Variants in RUFY2 observed in about 807,000 individuals in gnomAD.
RUFY2 encodes the protein RUN and FYVE domain containing 2, also known as RUN and FYVE domain-containing protein 2.
RUFY2 carries 49 observed loss-of-function variants against 94.4 expected under a neutral mutation model. The ratio of observed to expected loss-of-function variants is 0.52; its 90% CI spans 0.41 to 0.66. The LOEUF is 0.66. RUFY2 is among the 30% of genes least tolerant of loss of function. The pLI is 0.00. For missense variants in RUFY2, 541 were observed against 692.8 expected, an observed-to-expected ratio of 0.78 and a Z score of 2.46; for synonymous variants, 255 against 235.7, an observed-to-expected ratio of 1.08 and a Z score of -0.75.
intron 8 of RUFY2, among the ~76,000 whole-genome samples, chr10:68,385,830 G>C (rs1008196008): frequency 6.6e-6 from 1 of 152,120 alleles, no homozygotes; most frequent in Non-Finnish European, 1.5e-5. Context: ...ATTTTTAGAA[G>C]CTGAGTATCT....
intron 3 of RUFY2, among the ~76,000 whole-genome samples, chr10:68,397,946 G>C (rs1189444367): frequency 1.3e-5 from 2 of 151,616 alleles, no homozygotes; most frequent in Admixed American, 6.6e-5. Context: ...AGCCAACATG[G>C]TGAAACCCCG....
At chr10:68,363,356 T>C (rs555845276) in intron 15 of RUFY2, among the ~76,000 whole-genome samples, 5 of 152,160 alleles carry the variant, frequency 3.3e-5, no homozygotes, top group Admixed American at 2.6e-4. Context: ...TTTGCATTTT[T>C]AGTAAAGACA....
chr10:68,389,807 G>A (rs1407759524), intron 7 of RUFY2, among the ~76,000 whole-genome samples: 1 of 151,880 alleles, frequency 6.6e-6, no homozygotes, highest in Non-Finnish European at 1.5e-5. Context: ...AAAAAAAAGT[G>A]AAAATAGTAA....
At chr10:68,370,054 C>T (rs923711348) in intron 13 of RUFY2, among the ~76,000 whole-genome samples, 3 of 152,122 alleles carry the variant, frequency 2.0e-5, no homozygotes, top group African/African-American at 7.2e-5. Context: ...GAGGCCAAGG[C>T]AGGTGGGTCA....
chr10:68,363,797 C>T (rs1390320649), intron 14 of RUFY2, 113 bp from the exon 15 acceptor site: 5 of 850,712 alleles, frequency 5.9e-6, no homozygotes, highest in Non-Finnish European at 7.0e-6. Context: ...TTAAAAGAAA[C>T]AAATTGTGTC....
intron 15 of RUFY2, among the ~76,000 whole-genome samples, chr10:68,363,062 G>C (rs2047563468): frequency 1.3e-5 from 2 of 152,180 alleles, no homozygotes; most frequent in African/African-American, 4.8e-5. Context: ...TTGAACAAGA[G>C]TGTTAGCTTT....
rs948434874 is a variant in RUFY2, at chr10:68,343,419, TTGTA to T, written c.*2345_*2348del. ...ATACACCACCTGTCTTTTTTGAAAGTTGTATGTGTTTTATTTTCCCAGGATTACT... is the reference window on the plus strand; with the variant it reads ...ATACACCACCTGTCTTTTTTGAAAGTTGTGTTTTATTTTCCCAGGATTACT... On this transcript the variant is annotated 3_prime_UTR_variant, in exon 18 of 18. Transcript: ENST00000602465. 1.3e-5 allele frequency: 2 copies of T among 152,612 alleles called. No individual in the cohort carries two copies. Among genetic ancestry groups the T allele is most frequent in the Admixed American group, 1.3e-4 (2 of 15,278 alleles). The allele number at this position is 152,612 out of a possible 1,614,324, so 9.5% of individuals were successfully genotyped here. A position where few individuals can be genotyped will look rare whatever the true frequency, so the allele number is the denominator to read the frequency against.
Position 68,363,667 on chromosome 10 carries a change from C to A in RUFY2, c.1473G>T (p.Gln491His). 6.2e-7 allele frequency: 1 copy of A among 1,602,236 alleles called. No homozygotes were observed. The highest frequency in any genetic ancestry group is 1.1e-5 in the South Asian group (1 of 88,942). Residue 491 changes from glutamine (Q) to histidine (H), a missense_variant, in exon 15 of 18, where the codon CAG (glutamine) becomes CAT (histidine). Gln to His is a conservative substitution (Grantham distance 24). Transcript: ENST00000602465. ...TTTTTTTCAACTGCTGATTTTCATC[C>A]TGGAGGTTAAGGAACTCCTTCAGAA... ...ISLKKEFLNL[Q>H]DENQQLKKIY...
intron 4 of RUFY2, among the ~76,000 whole-genome samples, chr10:68,396,271 T>A (rs2050388925): frequency 6.6e-6 from 1 of 152,082 alleles, no homozygotes; most frequent in Non-Finnish European, 1.5e-5. Flanking sequence ...ATTACAGGCG[T>A]GAGCCACCAC....
intron 12 of RUFY2, chr10:68,378,201 G>A (rs2048795693): frequency 3.0e-6 from 3 of 993,576 alleles, no homozygotes; most frequent in Non-Finnish European, 1.2e-6. Context: ...GTGGGCCAAT[G>A]AGAAAAAAAT....
At chr10:68,358,353 C>T (rs1285327144) in intron 15 of RUFY2, among the ~76,000 whole-genome samples, 2 of 152,156 alleles carry the variant, frequency 1.3e-5, no homozygotes, top group African/African-American at 4.8e-5. Context: ...CTATAAAATG[C>T]TCTTCATTCC....
chr10:68,352,316 A>C (rs1451073765), intron 16 of RUFY2, among the ~76,000 whole-genome samples: 1 of 152,104 alleles, frequency 6.6e-6, no homozygotes, highest in African/African-American at 2.4e-5. Flanking sequence ...TCAGGAAGCT[A>C]CTGAAAGATG....
chr10:68,353,243 A>C (rs1438760381), intron 16 of RUFY2, among the ~76,000 whole-genome samples: 1 of 151,448 alleles, frequency 6.6e-6, no homozygotes, highest in East Asian at 2.0e-4. Flanking sequence ...AAGCAGGAGA[A>C]TCTCTTGAAG....
chr10:68,352,067 A>G (rs370439053), intron 16 of RUFY2, among the ~76,000 whole-genome samples: 1 of 151,838 alleles, frequency 6.6e-6, no homozygotes, highest in African/African-American at 2.4e-5. Flanking sequence ...AAAAAAAAAA[A>G]AGAAAAAAAG....
chr10:68,384,728 GGAAA>G (rs2049350263), intron 8 of RUFY2, among the ~76,000 whole-genome samples: 1 of 152,104 alleles, frequency 6.6e-6, no homozygotes, highest in African/African-American at 2.4e-5. Context: ...GGCCCAGAAT[GGAAA>G]GAAAGATCCT....
intron 8 of RUFY2, among the ~76,000 whole-genome samples, chr10:68,384,489 G>A (rs2049332208): frequency 1.3e-5 from 2 of 152,128 alleles, no homozygotes; most frequent in Admixed American, 1.3e-4. Flanking sequence ...TAAACAAATA[G>A]AGAAATATGC....
intron 7 of RUFY2, among the ~76,000 whole-genome samples, chr10:68,387,938 C>T (rs1464507449): frequency 2.6e-5 from 4 of 151,198 alleles, no homozygotes; most frequent in Admixed American, 1.3e-4. Flanking sequence ...GGGAGGCGGA[C>T]GTTGCAGTGA....
intron 10 of RUFY2, among the ~76,000 whole-genome samples, chr10:68,382,776 A>AT (rs1426958888): frequency 6.6e-6 from 1 of 151,898 alleles, no homozygotes; most frequent in African/African-American, 2.4e-5. Flanking sequence ...AGAAAAGGTG[A>AT]TAAAAAGATG....
At chr10:68,406,235 C>T (rs1254175791) in intron 1 of RUFY2, among the ~76,000 whole-genome samples, 1 of 152,108 alleles carries the variant, frequency 6.6e-6, no homozygotes, top group Non-Finnish European at 1.5e-5. Flanking sequence ...TTCTAGATAG[C>T]TAGGCATGAA....
Sources: gnomAD v4.1 joint callset for allele counts (sites outside exome capture counted in the v4.1 genomes callset) on GRCh38, gnomAD v4.1.1 for gene constraint, MANE v1.5 for transcripts, NCBI Gene and HGNC (gene_info 2026-07-23, HGNC 2026-07-21) for gene names.